HAPLN2: variants seen among roughly 807,000 people sequenced by gnomAD.
HAPLN2 encodes the protein hyaluronan and proteoglycan link protein 2.
HAPLN2 carries 27 observed loss-of-function variants against 29.3 expected under a neutral mutation model. That is an observed-to-expected ratio of 0.92 (90% CI 0.68 to 1.27). HAPLN2 has a LOEUF of 1.27. Among genes scored for constraint, HAPLN2 ranks in the 50% most tolerant of loss-of-function variants. HAPLN2 has a pLI of 0.00. For missense variants in HAPLN2, 454 were observed against 484.3 expected (o/e 0.94, Z 0.59); for synonymous variants, 208 against 211.7 (o/e 0.98, Z 0.15).
Position 156,624,603 on chromosome 1 carries a change from T to G in HAPLN2, c.559T>G (p.Trp187Gly). ...LATYSQLYQA[W>G]TEGLDWCNAG... ...CGACCTCCGCCGTCTCCCGCCAGCT[T>G]GGACCGAGGGTCTGGACTGGTGTAA... is the stretch of plus-strand genomic sequence containing the variant. The change falls in exon 6 of 7, where the codon TGG becomes GGG. Residue 187 changes from tryptophan (W) to glycine (G), a missense_variant and splice_region_variant. Trp to Gly is a radical substitution (Grantham distance 184, BLOSUM62 -2). Transcript: ENST00000255039. 1 of 1,612,578 alleles carries G rather than the reference T, an allele frequency of 6.2e-7. No homozygotes were observed. The highest frequency in any genetic ancestry group is 1.1e-5 in the South Asian group (1 of 90,872).
the HAPLN2 span, among the ~76,000 whole-genome samples, chr1:156,602,528 C>A: frequency 8.6e-6 from 1 of 116,452 alleles, no homozygotes; most frequent in Non-Finnish European, 1.6e-5. Context: ...GGCAAAATGG[C>A]GAGACACCGA....
chr1:156,606,195 C>A, the HAPLN2 span, among the ~76,000 whole-genome samples: 2 of 151,920 alleles, frequency 1.3e-5, no homozygotes, highest in African/African-American at 4.8e-5. Context: ...ACCCGGGAGG[C>A]GGAGGTTGCA....
At chr1:156,616,027 G>A (rs927197081), upstream of HAPLN2, among the ~76,000 whole-genome samples, 3 of 152,190 alleles carry the variant, frequency 2.0e-5, no homozygotes, top group Non-Finnish European at 4.4e-5. Flanking sequence ...CATCTTGCCA[G>A]CCCTTCCAGT....
chr1:156,624,910 C>A, intron 6 of HAPLN2, 127 bp downstream of exon 6: 3 of 360,074 alleles, frequency 8.3e-6, no homozygotes, highest in South Asian at 2.5e-5. Flanking sequence ...CCCCCATCAG[C>A]CCGCCCGCCC....
chr1:156,608,563 G>A, the HAPLN2 span, among the ~76,000 whole-genome samples: 64 of 150,290 alleles, frequency 4.3e-4, no homozygotes, highest in Non-Finnish European at 8.6e-4. Context: ...TTTTTTTAAA[G>A]ACAGAGTCGC....
chr1:156,622,545 C>T (rs999882402), intron 2 of HAPLN2, among the ~76,000 whole-genome samples: 1 of 152,008 alleles, frequency 6.6e-6, no homozygotes, highest in African/African-American at 2.4e-5. Context: ...GAGGTGAGGC[C>T]TGTGCGACCA....
the HAPLN2 span, among the ~76,000 whole-genome samples, chr1:156,606,046 G>A: frequency 6.6e-6 from 1 of 152,160 alleles, no homozygotes; most frequent in East Asian, 1.9e-4. Flanking sequence ...CACTTCGGGA[G>A]GCCAAGGTGG....
intron 2 of HAPLN2, among the ~76,000 whole-genome samples, chr1:156,622,503 G>T (rs559466677): frequency 1.3e-5 from 2 of 152,004 alleles, no homozygotes; most frequent in Non-Finnish European, 2.9e-5. Context: ...CTACAGTGTG[G>T]CAAACTGGGG....
At chr1:156,610,778 C>T in the HAPLN2 span, among the ~76,000 whole-genome samples, 1 of 151,988 alleles carries the variant, frequency 6.6e-6, no homozygotes, top group African/African-American at 2.4e-5. Context: ...TGGAAAGATA[C>T]AGCAGAAGGC....
At chr1:156,624,909 G>GGGGGGCCCCCCCC in intron 6 of HAPLN2, 126 bp downstream of exon 6, 1 of 999,500 alleles carries the variant, frequency 1.0e-6, no homozygotes, top group Non-Finnish European at 1.4e-6. Flanking sequence ...CCCCCCATCA[G>GGGGGGCCCCCCCC]CCCGCCCGCC....
chr1:156,618,003 T>C (rs770565634), upstream of HAPLN2, among the ~76,000 whole-genome samples: 2 of 152,058 alleles, frequency 1.3e-5, no homozygotes, highest in Non-Finnish European at 2.9e-5. Context: ...GGTTTTAAAA[T>C]GGACTTAATT....
In HAPLN2 at chr1:156,624,581, C is replaced by T. The variant is rs1289124800; in HGVS notation, c.557-20C>T. On this transcript the variant is annotated intron_variant, in intron 5 of 6. Coordinates refer to ENST00000255039, the MANE Select transcript of HAPLN2 (RefSeq NM_021817.3). ...TGCCTATGACGCCTCTTATCCCCGA[C>T]CTCCGCCGTCTCCCGCCAGCTTGGA... The T allele has an allele frequency of 6.2e-7, 1 of 1,609,444 alleles. No individual in the cohort carries two copies. Among genetic ancestry groups the T allele is most frequent in the African/African-American group, 1.3e-5 (1 of 74,848 alleles).
chr1:156,618,429 T>C (rs547148898), upstream of HAPLN2, among the ~76,000 whole-genome samples: 7 of 150,410 alleles, frequency 4.7e-5, no homozygotes, highest in African/African-American at 1.7e-4. Context: ...CAGTGAGCTA[T>C]GATTGGGCCA....
At chr1:156,623,416 C>T in intron 2 of HAPLN2, 51 bp from the exon 3 acceptor site, 1 of 1,500,022 alleles carries the variant, frequency 6.7e-7, no homozygotes, top group Non-Finnish European at 9.2e-7. Flanking sequence ...CCTGCTCTTC[C>T]CCACCCTTTT....
rs369361461 is a variant in HAPLN2 at position 156,625,713 on chromosome 1, C to T, written c.*329C>T. 3 of 283,494 alleles carry T rather than the reference C, an allele frequency of 1.1e-5. No homozygotes were observed. The highest frequency in any genetic ancestry group is 1.5e-4 in the East Asian group (2 of 13,748). 17.6% of individuals were successfully genotyped at this position (283,494 alleles called of 1,614,324 possible). ...ACCTCTGAGTACAGCAATAAAATAA[C>T]CTGGGGATCTTTTGTGTTGGGTGGA... On this transcript the variant is annotated 3_prime_UTR_variant, in exon 7 of 7. Transcript: ENST00000255039. This position sits in a 1 kb window ranked among gnomAD's most constrained non-coding sequence, Gnocchi z 5.7.
chr1:156,605,300 T>C, the HAPLN2 span, among the ~76,000 whole-genome samples: 1 of 148,050 alleles, frequency 6.8e-6, no homozygotes, highest in African/African-American at 2.5e-5. Flanking sequence ...AAGAAAAGAA[T>C]AGAAATGTAG....
chr1:156,614,439 G>T (rs1341753890), upstream of HAPLN2, among the ~76,000 whole-genome samples: 2 of 152,086 alleles, frequency 1.3e-5, no homozygotes, highest in Non-Finnish European at 2.9e-5. Context: ...GGCCAGGATG[G>T]TCTCAATCTC....
At chr1:156,611,642 C>A in the HAPLN2 span, among the ~76,000 whole-genome samples, 4 of 152,250 alleles carry the variant, frequency 2.6e-5, no homozygotes, top group East Asian at 3.9e-4. Context: ...AACAAAAAAA[C>A]CAGGTGATCC....
the HAPLN2 span, among the ~76,000 whole-genome samples, chr1:156,608,122 G>A: frequency 6.6e-6 from 1 of 152,126 alleles, no homozygotes; most frequent in Non-Finnish European, 1.5e-5. Context: ...AGAATATCAT[G>A]TTCACAAACA....
Sources: gnomAD v4.1 joint callset for allele counts (sites outside exome capture counted in the v4.1 genomes callset) on GRCh38, gnomAD v4.1.1 for gene constraint, Gnocchi (gnomAD v3.1) non-coding constraint, MANE v1.5 for transcripts, NCBI Gene and HGNC (gene_info 2026-07-23, HGNC 2026-07-21) for gene names.